The following ARHGAP42 variants were observed in gnomAD, a reference collection of about 807,000 sequenced individuals.
ARHGAP42 encodes the protein Rho GTPase activating protein 42, also known as rho GTPase-activating protein 42.
ARHGAP42 carries 63 observed loss-of-function variants against 125.0 expected under a neutral mutation model. The observed-to-expected ratio is 0.50, with a 90% CI of 0.41 to 0.62. The LOEUF is 0.62. ARHGAP42 is among the 20% of genes least tolerant of loss of function. The pLI, the probability that ARHGAP42 is intolerant of heterozygous loss-of-function variation, is 0.00. For missense variants in ARHGAP42, 766 were observed against 1,024.2 expected, an observed-to-expected ratio of 0.75 and a Z score of 3.44; for synonymous variants, 339 against 351.0, an observed-to-expected ratio of 0.97 and a Z score of 0.38.
chr11:100,912,319 A>G (rs1010538851), intron 4 of ARHGAP42, among the ~76,000 whole-genome samples: 3 of 152,088 alleles, frequency 2.0e-5, no homozygotes, highest in African/African-American at 7.2e-5. Flanking sequence ...TTCATTGATT[A>G]TTTTTAAGTA....
intron 9 of ARHGAP42, among the ~76,000 whole-genome samples, chr11:100,942,148 A>G (rs529448610): frequency 5.5e-4 from 84 of 152,278 alleles, no homozygotes; most frequent in Non-Finnish European, 1.1e-3. Context: ...GTGTCATCTC[A>G]CATTTCCGGC....
intron 3 of ARHGAP42, among the ~76,000 whole-genome samples, chr11:100,802,177 G>A (rs1863870166): frequency 6.6e-6 from 1 of 152,080 alleles, no homozygotes; most frequent in African/African-American, 2.4e-5. Flanking sequence ...AGCTAACTTG[G>A]CTTTAAATGC....
At chr11:100,829,817 G>A (rs574237717) in intron 3 of ARHGAP42, among the ~76,000 whole-genome samples, 8 of 152,254 alleles carry the variant, frequency 5.3e-5, no homozygotes, top group African/African-American at 1.9e-4. Flanking sequence ...AATCACATGA[G>A]CAAAATCGGC....
rs1299647892 is a variant in ARHGAP42, at chr11:100,872,328, G to A, written c.384+12703G>A. 2.0e-5 allele frequency among the ~76,000 whole-genome samples: 3 copies of A among 152,028 alleles called. No homozygotes were observed. The East Asian group carries it at 5.8e-4, about 29-fold the overall frequency. On this transcript the variant is annotated intron_variant, in intron 4 of 23. Coordinates refer to ENST00000298815, the MANE Select transcript of ARHGAP42 (RefSeq NM_152432.4). ...TTTTTGATCCTTTCCTTGCCTAGTA[G>A]ACTTTTTGGTGAGACTTTTTACTAT...
At chr11:100,881,410 G>C (rs73571624) in intron 4 of ARHGAP42, among the ~76,000 whole-genome samples, 12,644 of 152,098 alleles carry the variant, frequency 0.083, 613 homozygotes, top group East Asian at 0.25. Context: ...TTATTTCTGG[G>C]TTCCCTATTC....
intron 3 of ARHGAP42, among the ~76,000 whole-genome samples, chr11:100,801,006 T>C (rs1863837812): frequency 6.6e-6 from 1 of 152,162 alleles, no homozygotes; most frequent in African/African-American, 2.4e-5. Flanking sequence ...TTTTAAAAAA[T>C]TTGGAATATT....
chr11:100,845,782 T>C (rs2135119658), intron 3 of ARHGAP42, among the ~76,000 whole-genome samples: 1 of 152,286 alleles, frequency 6.6e-6, no homozygotes, highest in Non-Finnish European at 1.5e-5. Flanking sequence ...AATGTAATTT[T>C]GTACCTTAGT....
intron 4 of ARHGAP42, among the ~76,000 whole-genome samples, chr11:100,878,445 C>T (rs772251630): frequency 2.6e-5 from 4 of 152,166 alleles, no homozygotes. Context: ...GTACCCTTAC[C>T]AATCAAACTG....
intron 4 of ARHGAP42, among the ~76,000 whole-genome samples, chr11:100,862,110 A>G (rs912046999): frequency 3.3e-5 from 5 of 152,272 alleles, no homozygotes; most frequent in African/African-American, 1.2e-4. Context: ...GGGGACTTTC[A>G]GTGAAAATCT....
At chr11:100,954,995 A>C (rs1439592139) in intron 12 of ARHGAP42, among the ~76,000 whole-genome samples, 2 of 152,168 alleles carry the variant, frequency 1.3e-5, no homozygotes, top group Admixed American at 6.5e-5. Context: ...GTCAACCCTG[A>C]GAATGTACTG....
intron 4 of ARHGAP42, among the ~76,000 whole-genome samples, chr11:100,903,750 A>ATATATATG (rs1866638406): frequency 1.7e-5 from 2 of 115,358 alleles, no homozygotes; most frequent in African/African-American, 3.1e-5. Flanking sequence ...ATATATATAT[A>ATATATATG]TATATGTATG....
At chr11:100,821,494 A>G (rs1041341958) in intron 3 of ARHGAP42, among the ~76,000 whole-genome samples, 1 of 151,988 alleles carries the variant, frequency 6.6e-6, no homozygotes, top group African/African-American at 2.4e-5. Context: ...AAAATGACGA[A>G]AGAATCATCC....
chr11:100,924,792 A>C (rs1371092971), intron 6 of ARHGAP42, among the ~76,000 whole-genome samples: 1 of 152,060 alleles, frequency 6.6e-6, no homozygotes, highest in Non-Finnish European at 1.5e-5. Flanking sequence ...GCTACGTGTT[A>C]TTGTTTTAAA....
chr11:100,922,621 A>T (rs1867310857), intron 6 of ARHGAP42, among the ~76,000 whole-genome samples: 1 of 152,246 alleles, frequency 6.6e-6, no homozygotes, highest in African/African-American at 2.4e-5. Context: ...TAAAAAATAA[A>T]ATACTCTGTT....
At chr11:100,929,955 T>C (rs1186733017) in intron 6 of ARHGAP42, among the ~76,000 whole-genome samples, 2 of 152,222 alleles carry the variant, frequency 1.3e-5, no homozygotes, top group Non-Finnish European at 1.5e-5. Flanking sequence ...AAAAGATTAT[T>C]TATCTGTTAA....
intron 4 of ARHGAP42, among the ~76,000 whole-genome samples, chr11:100,881,455 G>C (rs1014535761): frequency 1.3e-5 from 2 of 152,136 alleles, no homozygotes; most frequent in African/African-American, 2.4e-5. Context: ...TTTTATACCA[G>C]TACCGTGCTG....
At chr11:100,748,001 A>G (rs1406962506) in intron 1 of ARHGAP42, among the ~76,000 whole-genome samples, 6 of 147,812 alleles carry the variant, frequency 4.1e-5, no homozygotes, top group Non-Finnish European at 6.0e-5. Flanking sequence ...TTTTTTCTCA[A>G]AGATGATAAC....
chr11:100,771,186 G>T (rs182836634), intron 2 of ARHGAP42, among the ~76,000 whole-genome samples: 14 of 152,282 alleles, frequency 9.2e-5, no homozygotes, highest in Non-Finnish European at 1.8e-4. Context: ...CGGATCAGGA[G>T]ACTTGAACCC....
intron 1 of ARHGAP42, among the ~76,000 whole-genome samples, chr11:100,757,163 A>G (rs1862596827): frequency 6.6e-6 from 1 of 152,216 alleles, no homozygotes; most frequent in South Asian, 2.1e-4. Flanking sequence ...CATGAAAATT[A>G]TAAATGATAT....
Sources: gnomAD v4.1 joint callset for allele counts (sites outside exome capture counted in the v4.1 genomes callset) on GRCh38, gnomAD v4.1.1 for gene constraint, MANE v1.5 for transcripts, NCBI Gene and HGNC (gene_info 2026-07-23, HGNC 2026-07-21) for gene names.